Variants in TRAFD1 observed in about 807,000 individuals in gnomAD.
TRAFD1 encodes TRAF-type zinc finger domain-containing protein 1.
TRAFD1 carries 38 observed loss-of-function variants against 65.3 expected under a neutral mutation model. That is an observed-to-expected ratio of 0.58 (90% CI 0.45 to 0.76). TRAFD1 has a LOEUF of 0.76. Ranked by LOEUF, TRAFD1 falls within the 30% of genes least tolerant of loss-of-function variation. TRAFD1 has a pLI of 0.00. For missense variants in TRAFD1, 631 were observed against 712.6 expected (o/e 0.89, Z 1.30); for synonymous variants, 223 against 257.2 (o/e 0.87, Z 1.27).
intron 2 of TRAFD1, 75 bp from the exon 3 acceptor site, chr12:112,134,663 A>C: frequency 6.5e-7 from 1 of 1,532,110 alleles, no homozygotes; most frequent in Non-Finnish European, 8.9e-7. Flanking sequence ...ACAGATTTCC[A>C]TGTGATGCCA....
intron 1 of TRAFD1, among the ~76,000 whole-genome samples, chr12:112,126,981 T>C (rs2079541489): frequency 6.6e-6 from 1 of 152,136 alleles, no homozygotes; most frequent in Admixed American, 6.5e-5. Context: ...ATTATGTCAT[T>C]CCCTAGTTTA....
intron 1 of TRAFD1, among the ~76,000 whole-genome samples, chr12:112,127,672 T>G: frequency 6.6e-6 from 1 of 151,914 alleles, no homozygotes; most frequent in East Asian, 1.9e-4. Context: ...TTTTTTGTTT[T>G]TTGTTTTTTT....
At chr12:112,128,561 A>G (rs2079552292) in intron 1 of TRAFD1, among the ~76,000 whole-genome samples, 1 of 152,208 alleles carries the variant, frequency 6.6e-6, no homozygotes, top group South Asian at 2.1e-4. Context: ...CAGACACCAT[A>G]TCAACTATGT....
intron 4 of TRAFD1, among the ~76,000 whole-genome samples, chr12:112,138,312 G>A (rs1331672029): frequency 1.3e-5 from 2 of 152,162 alleles, no homozygotes; most frequent in Non-Finnish European, 2.9e-5. Context: ...CACTTTTGGA[G>A]GCAGAGGAGG....
intron 4 of TRAFD1, among the ~76,000 whole-genome samples, chr12:112,138,664 A>C (rs2029988368): frequency 1.3e-5 from 2 of 151,570 alleles, no homozygotes; most frequent in African/African-American, 4.9e-5. Context: ...TCAAGACCAG[A>C]CTGGCCAAAG....
At position 112,149,794 on chromosome 12, in the gene TRAFD1, C is replaced by T; in HGVS notation, c.1202C>T (p.Thr401Ile). The change falls in exon 9 of 12, where the codon ACA becomes ATA. Residue 401 changes from threonine to isoleucine, a missense_variant. By Grantham distance (89) the Thr-to-Ile change is moderately conservative. Transcript: ENST00000412615. Reference protein sequence around the residue: ...QRPATATNHVTEGIPRLDSQP... With the variant: ...QRPATATNHVIEGIPRLDSQP... ...CCAGCCACTGCAACCAACCATGTGA[C>T]AGAGGGGATTCCTAGACTGGATTCC... 6.2e-7 allele frequency: 1 copy of T among 1,614,218 alleles called. No individual in the cohort carries two copies. The highest frequency in any genetic ancestry group is 8.5e-7 in the Non-Finnish European group (1 of 1,180,024).
At position 112,134,833 on chromosome 12, in the gene TRAFD1, A is replaced by T. The variant is rs149665047; in HGVS notation, c.143A>T (p.Lys48Ile). Reference sequence around the variant, plus strand: ...CCTACCTGTAAGGAACCATTTCCCAAATCTGACATGGAGACTCACATGGCT... The same window carrying T: ...CCTACCTGTAAGGAACCATTTCCCATATCTGACATGGAGACTCACATGGCT... ...MCPTCKEPFP[K>I]SDMETHMAAE... is the part of the protein sequence containing the mutation. The change falls in exon 3 of 12, where the codon AAA becomes ATA. Residue 48 changes from lysine to isoleucine, a missense_variant. Transcript: ENST00000412615. 5 of 1,613,574 alleles carry T rather than the reference A, an allele frequency of 3.1e-6. No homozygotes were observed. The highest frequency in any genetic ancestry group is 4.2e-6 in the Non-Finnish European group (5 of 1,179,580).
In TRAFD1 at chr12:112,152,530, T is replaced by C. The variant is rs1191897612; in HGVS notation, c.1692+31T>C. 1 of 1,612,980 alleles carries C rather than the reference T, an allele frequency of 6.2e-7. No homozygotes were observed. Among genetic ancestry groups the C allele is most frequent in the African/African-American group, 1.3e-5 (1 of 74,866 alleles). ...GTGGGCTCCAGCCCATGATGCTCAG[T>C]GGGGGACTCAGACATGGTGGGGCTT... is the stretch of plus-strand genomic sequence containing the variant. On this transcript the variant is annotated intron_variant, in intron 11 of 11. Coordinates refer to ENST00000412615, the MANE Select transcript of TRAFD1 (RefSeq NM_006700.3). This position sits in a 1 kb window ranked among gnomAD's most constrained non-coding sequence, Gnocchi z 5.0.
chr12:112,141,297 G>A lies in TRAFD1; in HGVS notation c.643+73G>A, dbSNP rs778497178. The A allele has an allele frequency of 6.5e-6, 10 of 1,538,416 alleles. No homozygotes were observed. The Admixed American group carries it at 1.9e-4, about 29-fold the overall frequency. ...AGGCAAATGGGAACAGGGCTTTGGG[G>A]CCAGATAGATCTTGATTATAGAAAC... is the stretch of plus-strand genomic sequence containing the variant. On this transcript the variant is annotated intron_variant, in intron 5 of 11. Coordinates refer to ENST00000412615, the MANE Select transcript of TRAFD1 (RefSeq NM_006700.3).
intron 7 of TRAFD1, among the ~76,000 whole-genome samples, chr12:112,147,718 C>G (rs1176068408): frequency 6.7e-6 from 1 of 150,158 alleles, no homozygotes; most frequent in African/African-American, 2.5e-5. Context: ...GTGACCCAGG[C>G]TGGAGTGCAG....
intron 8 of TRAFD1, chr12:112,149,217 CA>C (rs548446168): frequency 1.2e-4 from 15 of 128,756 alleles, no homozygotes; most frequent in Admixed American, 4.0e-4. Flanking sequence ...GACTCTGTCT[CA>C]AAAAAAAAAG....
intron 4 of TRAFD1, among the ~76,000 whole-genome samples, chr12:112,136,170 A>C (rs1483384571): frequency 1.3e-5 from 2 of 149,022 alleles, no homozygotes; most frequent in Non-Finnish European, 3.0e-5. Flanking sequence ...TGTTGTCTCT[A>C]TTGCTGTGTT....
At chr12:112,129,603 G>A (rs1324865372) in intron 1 of TRAFD1, among the ~76,000 whole-genome samples, 1 of 151,752 alleles carries the variant, frequency 6.6e-6, no homozygotes, top group Admixed American at 6.6e-5. Flanking sequence ...ATGCTTTTAG[G>A]GTAATTGGAT....
At chr12:112,134,279 G>T (rs1246919516) in intron 2 of TRAFD1, among the ~76,000 whole-genome samples, 1 of 148,202 alleles carries the variant, frequency 6.7e-6, no homozygotes, top group Non-Finnish European at 1.5e-5. Flanking sequence ...CAAAGTGCTG[G>T]GATTACAGGC....
intron 9 of TRAFD1, among the ~76,000 whole-genome samples, chr12:112,150,603 G>C (rs1010436694): frequency 2.0e-5 from 3 of 151,974 alleles, no homozygotes; most frequent in Non-Finnish European, 2.9e-5. Context: ...TGTCATCCAG[G>C]CTGGAGTGCA....
intron 2 of TRAFD1, among the ~76,000 whole-genome samples, chr12:112,131,841 T>G (rs2079567675): frequency 6.6e-6 from 1 of 152,222 alleles, no homozygotes; most frequent in South Asian, 2.1e-4. Flanking sequence ...GTTGCAAATA[T>G]CTTTTTTATT....
chr12:112,137,932 A>C lies in TRAFD1; in HGVS notation c.237+2866A>C, dbSNP rs528427311. On this transcript the variant is annotated intron_variant, in intron 4 of 11. Coordinates refer to ENST00000412615, the MANE Select transcript of TRAFD1 (RefSeq NM_006700.3). The surrounding 1 kb of genome is among the most constrained non-coding windows in gnomAD (Gnocchi z 4.2). ...TAACAACTTGATTTTATTAATTTAT[A>C]ATTAAATTACCCTTAAAGGTAATTC... Among the ~76,000 whole-genome samples, 1 of 152,114 alleles carries C rather than the reference A, an allele frequency of 6.6e-6. No homozygotes were observed. Among genetic ancestry groups the C allele is most frequent in the Non-Finnish European group, 1.5e-5 (1 of 68,030 alleles).
chr12:112,151,107 G>A (rs1489743562), intron 9 of TRAFD1, among the ~76,000 whole-genome samples: 2 of 151,716 alleles, frequency 1.3e-5, no homozygotes, highest in African/African-American at 2.4e-5. Flanking sequence ...GCGTGGTGGC[G>A]GGCGCCAGTA....
At chr12:112,132,394 T>G (rs934783215) in intron 2 of TRAFD1, among the ~76,000 whole-genome samples, 2 of 152,200 alleles carry the variant, frequency 1.3e-5, no homozygotes, top group Admixed American at 1.3e-4. Flanking sequence ...TTCAGACTGT[T>G]TTTAGGCAGT....
Sources: allele counts gnomAD v4.1 joint callset (sites outside exome capture counted in the v4.1 genomes callset), GRCh38; gene constraint gnomAD v4.1.1; non-coding constraint Gnocchi (gnomAD v3.1); transcripts MANE v1.5; gene names NCBI Gene and HGNC (gene_info 2026-07-23, HGNC 2026-07-21).